Variants in PCDH9 observed in about 807,000 individuals in gnomAD.
The protein encoded by PCDH9 is protocadherin 9, also known as protocadherin-9.
Under a neutral mutation model 70.6 loss-of-function variants are expected in PCDH9, and 24 were observed. The observed-to-expected ratio is 0.34, with a 90% CI of 0.25 to 0.48. The LOEUF is 0.48. Ranked by LOEUF, PCDH9 falls within the 20% of genes least tolerant of loss-of-function variation. The probability of loss-of-function intolerance (pLI) is 0.99; values close to 1 mark genes in which losing one functional copy is unlikely to be tolerated. For missense variants in PCDH9, 1,281 were observed against 1,503.6 expected (o/e 0.85, Z 2.45); for synonymous variants, 562 against 558.5 (o/e 1.01, Z -0.09).
At chr13:66,760,385 C>A (rs1022546533) in intron 3 of PCDH9, among the ~76,000 whole-genome samples, 3 of 152,092 alleles carry the variant, frequency 2.0e-5, no homozygotes, top group Admixed American at 2.0e-4. Context: ...AAGTCAGGGA[C>A]CCCAAACAGA....
intron 4 of PCDH9, among the ~76,000 whole-genome samples, chr13:66,364,168 C>CA (rs1027771519): frequency 1.7e-4 from 26 of 149,444 alleles, no homozygotes; most frequent in African/African-American, 3.2e-4. Context: ...AAAAAACAAA[C>CA]AAAAAAAAAG....
At chr13:66,824,684 A>G (rs2080781934) in intron 3 of PCDH9, among the ~76,000 whole-genome samples, 1 of 56,200 alleles carries the variant, frequency 1.8e-5, no homozygotes, top group Non-Finnish European at 5.1e-5. Context: ...ATATATATAT[A>G]TATATATATA....
intron 2 of PCDH9, among the ~76,000 whole-genome samples, chr13:67,074,030 T>TTCTATCTATCTATCTA (rs35805308): frequency 2.0e-5 from 3 of 148,920 alleles, no homozygotes; most frequent in Admixed American, 6.8e-5. Context: ...TGAGATGAAA[T>TTCTATCTATCTATCTA]TCTATCTATC....
At chr13:66,950,466 A>T (rs2083161221) in intron 2 of PCDH9, among the ~76,000 whole-genome samples, 1 of 152,082 alleles carries the variant, frequency 6.6e-6, no homozygotes, top group South Asian at 2.1e-4. Flanking sequence ...AAACATGGAA[A>T]GTTCTTCATA....
At chr13:66,861,419 A>T (rs2081482514) in intron 3 of PCDH9, among the ~76,000 whole-genome samples, 1 of 152,186 alleles carries the variant, frequency 6.6e-6, no homozygotes, top group African/African-American at 2.4e-5. Context: ...GTCACACATT[A>T]TCTAAAAGAG....
At chr13:67,022,799 GAA>G (rs146748533) in intron 2 of PCDH9, among the ~76,000 whole-genome samples, 1 of 150,834 alleles carries the variant, frequency 6.6e-6, no homozygotes, top group Non-Finnish European at 1.5e-5. Flanking sequence ...CTCCGTTAGA[GAA>G]AAAAAAAGAG....
intron 4 of PCDH9, among the ~76,000 whole-genome samples, chr13:66,581,510 G>T (rs546995969): frequency 6.6e-6 from 1 of 152,132 alleles, no homozygotes; most frequent in South Asian, 2.1e-4. Flanking sequence ...TTTAATTATA[G>T]TATTTATTCC....
intron 2 of PCDH9, among the ~76,000 whole-genome samples, chr13:67,150,009 A>G (rs2087618379): frequency 6.6e-6 from 1 of 152,158 alleles, no homozygotes; most frequent in African/African-American, 2.4e-5. Context: ...TTTGCAGTTT[A>G]TATTTTAATA....
chr13:66,527,740 G>A (rs1028299786), intron 4 of PCDH9, among the ~76,000 whole-genome samples: 4 of 152,056 alleles, frequency 2.6e-5, no homozygotes, highest in African/African-American at 7.2e-5. Context: ...ATTATCAGCC[G>A]GGCACAGTGG....
At chr13:66,724,167 G>A (rs529811964) in intron 3 of PCDH9, among the ~76,000 whole-genome samples, 5 of 152,140 alleles carry the variant, frequency 3.3e-5, no homozygotes, top group East Asian at 3.9e-4. Context: ...CTTCAGCATC[G>A]CTACATAACA....
chr13:66,329,676 A>C, intron 4 of PCDH9, among the ~76,000 whole-genome samples: 1 of 152,314 alleles, frequency 6.6e-6, no homozygotes, highest in Non-Finnish European at 1.5e-5. Context: ...TGTCAACCAA[A>C]GACAGCCTTA....
intron 2 of PCDH9, among the ~76,000 whole-genome samples, chr13:67,089,123 C>T (rs1292128942): frequency 6.6e-6 from 1 of 151,942 alleles, no homozygotes; most frequent in African/African-American, 2.4e-5. Context: ...ATTAATAATG[C>T]CTGCATCACT....
chr13:66,719,853 G>A (rs1437295461), intron 3 of PCDH9, among the ~76,000 whole-genome samples: 1 of 152,152 alleles, frequency 6.6e-6, no homozygotes, highest in Non-Finnish European at 1.5e-5. Context: ...AGTATCCATA[G>A]TGAAGTTGTT....
chr13:67,104,376 T>A (rs777525097), intron 2 of PCDH9, among the ~76,000 whole-genome samples: 4 of 152,208 alleles, frequency 2.6e-5, no homozygotes, highest in Non-Finnish European at 5.9e-5. Context: ...GCTATATCAA[T>A]GACAGGGGCT....
chr13:66,769,468 G>A (rs1262076203), intron 3 of PCDH9, among the ~76,000 whole-genome samples: 1 of 151,004 alleles, frequency 6.6e-6, no homozygotes, highest in Non-Finnish European at 1.5e-5. Flanking sequence ...TTCCGGCATC[G>A]TAGTAGCAAC....
chr13:66,426,182 G>T lies in PCDH9; in HGVS notation c.3341-121154C>A, dbSNP rs565054814. On this transcript the variant is annotated intron_variant, in intron 4 of 4. Transcript: ENST00000377865. ...TTAATCTATTCAGTGGGTGGCAGAAGAATTACTTTTTCTCTCTATTGAACT... is the reference window on the plus strand; with the variant it reads ...TTAATCTATTCAGTGGGTGGCAGAATAATTACTTTTTCTCTCTATTGAACT... Among the ~76,000 whole-genome samples the T allele has an allele frequency of 2.0e-5, 3 of 150,478 alleles. No individual in the cohort carries two copies. The South Asian group carries it at 6.3e-4, about 31-fold the overall frequency.
chr13:66,847,814 C>T (rs2081238421), intron 3 of PCDH9, among the ~76,000 whole-genome samples: 1 of 152,230 alleles, frequency 6.6e-6, no homozygotes, highest in South Asian at 2.1e-4. Flanking sequence ...ATGCACAGGC[C>T]ACATGGGATG....
chr13:67,119,944 C>T (rs528650647), intron 2 of PCDH9, among the ~76,000 whole-genome samples: 27 of 151,882 alleles, frequency 1.8e-4, no homozygotes, highest in Non-Finnish European at 3.7e-4. Flanking sequence ...CTTCCACAAT[C>T]GGGTGTTACA....
At chr13:66,889,969 G>T (rs2082069331) in intron 3 of PCDH9, among the ~76,000 whole-genome samples, 1 of 152,106 alleles carries the variant, frequency 6.6e-6, no homozygotes, top group Admixed American at 6.6e-5. Context: ...ATTACTCTGG[G>T]TAACAGCTTC....
Sources: allele counts gnomAD v4.1 joint callset (sites outside exome capture counted in the v4.1 genomes callset), GRCh38; gene constraint gnomAD v4.1.1; transcripts MANE v1.5; gene names NCBI Gene and HGNC (gene_info 2026-07-23, HGNC 2026-07-21).